Variants in EBF1 observed in about 807,000 individuals in gnomAD.
EBF1 encodes transcription factor COE1.
Under a neutral mutation model 68.4 loss-of-function variants are expected in EBF1, and 10 were observed. The observed-to-expected ratio is 0.15, with a 90% CI of 0.09 to 0.25. EBF1 has a LOEUF of 0.25. EBF1 is among the 10% of genes least tolerant of loss of function. The probability of loss-of-function intolerance (pLI) is 1.00; values close to 1 mark genes in which losing one functional copy is unlikely to be tolerated. For synonymous variants in EBF1, 298 were observed against 299.8 expected (o/e 0.99, Z 0.06); for missense variants, 509 against 794.4 (o/e 0.64, Z 4.32).
At chr5:158,989,269 C>T (rs1458491498) in intron 6 of EBF1, among the ~76,000 whole-genome samples, 1 of 152,224 alleles carries the variant, frequency 6.6e-6, no homozygotes, top group East Asian at 1.9e-4. Flanking sequence ...AAAGCCTCCT[C>T]TTCAATCCCC....
At chr5:159,065,293 C>G (rs1043735474) in intron 6 of EBF1, among the ~76,000 whole-genome samples, 3 of 152,060 alleles carry the variant, frequency 2.0e-5, no homozygotes, top group Non-Finnish European at 4.4e-5. Flanking sequence ...AGAAAAGTTA[C>G]CCAGCTGGGC....
chr5:158,764,327 C>A (rs1281254147), intron 10 of EBF1, among the ~76,000 whole-genome samples: 3 of 152,186 alleles, frequency 2.0e-5, no homozygotes, highest in African/African-American at 7.2e-5. Flanking sequence ...AACTGACAGA[C>A]TTTAGCCAAG....
intron 4 of EBF1, among the ~76,000 whole-genome samples, chr5:159,094,694 T>A (rs977253921): frequency 6.6e-6 from 1 of 152,208 alleles, no homozygotes. Flanking sequence ...CTTGCTAAAT[T>A]GCTGGTTAGT....
chr5:158,857,951 C>A (rs543846164), intron 6 of EBF1, among the ~76,000 whole-genome samples: 9 of 152,326 alleles, frequency 5.9e-5, no homozygotes, highest in African/African-American at 2.2e-4. Context: ...TTCCTTAACA[C>A]AACTTTTTTT....
At chr5:158,955,106 C>T (rs541616971) in intron 6 of EBF1, among the ~76,000 whole-genome samples, 16 of 151,972 alleles carry the variant, frequency 1.1e-4, no homozygotes, top group East Asian at 1.9e-4. Flanking sequence ...GGGCGGATCA[C>T]GAGGTCAGGA....
chr5:159,070,211 C>T (rs1777559399), intron 6 of EBF1, among the ~76,000 whole-genome samples: 1 of 152,136 alleles, frequency 6.6e-6, no homozygotes, highest in Admixed American at 6.6e-5. Flanking sequence ...GCTTCTTAAT[C>T]AAGCTATTTG....
chr5:158,729,684 T>G (rs1036575281), intron 11 of EBF1, among the ~76,000 whole-genome samples: 1 of 152,112 alleles, frequency 6.6e-6, no homozygotes, highest in African/African-American at 2.4e-5. Flanking sequence ...TTACCAAGAA[T>G]AAATTGGGGT....
chr5:158,920,560 G>A (rs1226750833), intron 6 of EBF1, among the ~76,000 whole-genome samples: 2 of 152,144 alleles, frequency 1.3e-5, no homozygotes, highest in Non-Finnish European at 2.9e-5. Context: ...AGCAGGCAAT[G>A]CCAAGGGAAC....
At chr5:159,067,582 G>T (rs1777070087) in intron 6 of EBF1, among the ~76,000 whole-genome samples, 1 of 152,184 alleles carries the variant, frequency 6.6e-6, no homozygotes, top group Non-Finnish European at 1.5e-5. Context: ...ATAGCTGATA[G>T]CAAATGGAAT....
chr5:158,708,031 G>C lies in EBF1; in HGVS notation c.1692C>G (p.Pro564=). The C allele has an allele frequency of 1.3e-6, 2 of 1,552,224 alleles. No individual in the cohort carries two copies. The highest frequency in any genetic ancestry group is 1.7e-6 in the Non-Finnish European group (2 of 1,147,874). The stretch of plus-strand genomic sequence containing the variant: ...TGCAGGTGGGAGGTGGGGAGGTCTG[G>C]GGTCTGACGACTGGTGCGAAAGCAC... ...QKSAFAPVVR[P]QTSPPPTCTS... Residue 564 remains proline, a synonymous_variant, in exon 15 of 16, where the codon CCC becomes CCG. Coordinates refer to ENST00000313708, the MANE Select transcript of EBF1 (RefSeq NM_024007.5).
chr5:159,059,505 C>T (rs1775404163), intron 6 of EBF1, among the ~76,000 whole-genome samples: 1 of 152,146 alleles, frequency 6.6e-6, no homozygotes, highest in African/African-American at 2.4e-5. Flanking sequence ...TCAGGAAGAA[C>T]ACCACAACGC....
chr5:158,757,177 G>T (rs1454951036), intron 10 of EBF1, among the ~76,000 whole-genome samples: 1 of 152,084 alleles, frequency 6.6e-6, no homozygotes, highest in Non-Finnish European at 1.5e-5. Flanking sequence ...AAGGGCTTCA[G>T]TGGCATCCAG....
chr5:159,092,096 A>G (rs1781753545), intron 4 of EBF1, among the ~76,000 whole-genome samples: 1 of 152,246 alleles, frequency 6.6e-6, no homozygotes, highest in Admixed American at 6.5e-5. Context: ...TATTTCAAAT[A>G]CTACATGAAA....
intron 4 of EBF1, among the ~76,000 whole-genome samples, chr5:159,087,765 T>C (rs1780974340): frequency 6.6e-6 from 1 of 152,100 alleles, no homozygotes; most frequent in Non-Finnish European, 1.5e-5. Context: ...ATGATACATC[T>C]CTTCACCAAA....
At chr5:159,010,490 C>G (rs1363275126) in intron 6 of EBF1, among the ~76,000 whole-genome samples, 1 of 152,128 alleles carries the variant, frequency 6.6e-6, no homozygotes, top group Non-Finnish European at 1.5e-5. Context: ...AATACTCCCC[C>G]CCAGAAGCAT....
intron 6 of EBF1, among the ~76,000 whole-genome samples, chr5:158,912,417 C>A (rs1403267507): frequency 6.6e-6 from 1 of 152,116 alleles, no homozygotes; most frequent in Non-Finnish European, 1.5e-5. Flanking sequence ...CCTCTTAATT[C>A]CTAAGAGTAC....
chr5:158,995,835 G>T (rs1561742663), intron 6 of EBF1, among the ~76,000 whole-genome samples: 1 of 152,102 alleles, frequency 6.6e-6, no homozygotes, highest in African/African-American at 2.4e-5. Flanking sequence ...TGCCTGAAAC[G>T]ATGAGCTAAG....
At chr5:159,006,997 A>G (rs1002757952) in intron 6 of EBF1, among the ~76,000 whole-genome samples, 11 of 152,198 alleles carry the variant, frequency 7.2e-5, no homozygotes, top group Non-Finnish European at 1.5e-4. Flanking sequence ...AACAAAGGCA[A>G]TGTCAGAAAT....
intron 6 of EBF1, among the ~76,000 whole-genome samples, chr5:159,024,366 G>A (rs981485283): frequency 3.9e-5 from 6 of 152,184 alleles, no homozygotes; most frequent in Non-Finnish European, 7.3e-5. Context: ...CAGAACCTAA[G>A]TCTTGGAGAA....
Sources: allele counts gnomAD v4.1 joint callset (sites outside exome capture counted in the v4.1 genomes callset), GRCh38; gene constraint gnomAD v4.1.1; transcripts MANE v1.5; gene names NCBI Gene and HGNC (gene_info 2026-07-23, HGNC 2026-07-21).